The following FMN1 variants were observed in gnomAD, a reference collection of about 807,000 sequenced individuals.
The protein encoded by FMN1 is formin-1.
A neutral mutation model predicts 132.4 loss-of-function variants in FMN1; 110 were observed. The ratio of observed to expected loss-of-function variants is 0.83; its 90% confidence interval spans 0.71 to 0.97. FMN1 has a LOEUF of 0.97. Ranked by LOEUF, FMN1 falls within the 50% of genes least tolerant of loss-of-function variation. The pLI is 0.00. For synonymous variants in FMN1, 722 were observed against 651.7 expected (o/e 1.11, Z -1.64); for missense variants, 1,792 against 1,705.3 (o/e 1.05, Z -0.90).
intron 2 of FMN1, among the ~76,000 whole-genome samples, chr15:33,189,920 G>T (rs538927067): frequency 6.6e-6 from 1 of 152,324 alleles, no homozygotes; most frequent in African/African-American, 2.4e-5. Context: ...ACTCCCTGGT[G>T]TAACGGTGAG....
chr15:33,020,942 C>T (rs2063995427), intron 6 of FMN1, among the ~76,000 whole-genome samples: 1 of 152,158 alleles, frequency 6.6e-6, no homozygotes, highest in East Asian at 1.9e-4. Context: ...CTGCTTTCAC[C>T]TCTTTCTTTT....
At chr15:33,069,968 A>C (rs2141272112) in intron 5 of FMN1, among the ~76,000 whole-genome samples, 1 of 149,848 alleles carries the variant, frequency 6.7e-6, no homozygotes, top group East Asian at 2.0e-4. Context: ...AAATGATCAC[A>C]ACAGATCATA....
chr15:33,152,794 A>AAAAAAAAAAG lies in FMN1; in HGVS notation c.1867+244_1867+253dup, dbSNP rs1466712475. Among the ~76,000 whole-genome samples the AAAAAAAAAAG allele has an allele frequency of 7.4e-4, 112 of 150,836 alleles. 4 individuals carry two copies. The highest frequency in any genetic ancestry group is 2.6e-3 in the African/African-American group (107 of 41,210). ...AAGTAACTTTAGAGGATGCCAAAAA[A>AAAAAAAAAAG]AAAAAAAAAGAAAGAAATAAAAGAC... On this transcript the variant is annotated intron_variant, in intron 4 of 20. Coordinates refer to ENST00000616417, the MANE Select transcript of FMN1 (RefSeq NM_001277313.2).
At chr15:32,884,317 C>A (rs2059843531) in intron 16 of FMN1, among the ~76,000 whole-genome samples, 4 of 152,160 alleles carry the variant, frequency 2.6e-5, no homozygotes, top group Non-Finnish European at 2.9e-5. Flanking sequence ...CTTCTAGAGG[C>A]TTCCCACATT....
chr15:32,992,598 G>A (rs1246042327), intron 7 of FMN1, among the ~76,000 whole-genome samples: 1 of 152,076 alleles, frequency 6.6e-6, no homozygotes, highest in Non-Finnish European at 1.5e-5. Flanking sequence ...GAAAATGTTC[G>A]ATAAGACATA....
At chr15:33,034,268 A>T (rs977526861) in intron 6 of FMN1, among the ~76,000 whole-genome samples, 9 of 152,188 alleles carry the variant, frequency 5.9e-5, no homozygotes, top group African/African-American at 2.2e-4. Flanking sequence ...CATCTTCTCC[A>T]GTCCATGGCA....
At position 33,153,535 on chromosome 15, in the gene FMN1, G is replaced by A. The variant is rs552758815; in HGVS notation, c.1380C>T (p.Ala460=). The change falls in exon 4 of 21, where the codon GCC becomes GCT. Residue 460 remains alanine (A), a synonymous_variant. Transcript: ENST00000616417. Reference sequence around the variant, plus strand: ...ACTTGTGGCCACCAAGGGGCAACCCGGCTCTCCTCTTGTTTCTCGTTTCTG... The same window carrying A: ...ACTTGTGGCCACCAAGGGGCAACCCAGCTCTCCTCTTGTTTCTCGTTTCTG... The part of the protein sequence containing the change: ...TRPETRNKRR[A]GLPLGGHKSL... 7.8e-6 allele frequency: 12 copies of A among 1,536,306 alleles called. No homozygotes were observed. The highest frequency in any genetic ancestry group is 3.6e-5 in the South Asian group (3 of 84,064).
intron 7 of FMN1, among the ~76,000 whole-genome samples, chr15:32,979,633 T>G (rs2032493565): frequency 6.6e-6 from 1 of 152,116 alleles, no homozygotes; most frequent in South Asian, 2.1e-4. Context: ...AGTAATATAT[T>G]TGTAAGTTAT....
At chr15:32,980,121 A>G (rs1273227775) in intron 7 of FMN1, among the ~76,000 whole-genome samples, 1 of 152,154 alleles carries the variant, frequency 6.6e-6, no homozygotes, top group African/African-American at 2.4e-5. Context: ...GCCTCCTCTA[A>G]AAGAAGCTAG....
chr15:32,899,173 T>C (rs539393179), intron 14 of FMN1, among the ~76,000 whole-genome samples: 141 of 152,234 alleles, frequency 9.3e-4, no homozygotes, highest in Non-Finnish European at 1.7e-3. Flanking sequence ...TGTGTCCTTG[T>C]ATTTTCTGGC....
chr15:32,848,918 C>T (rs2058926116), intron 17 of FMN1, among the ~76,000 whole-genome samples: 1 of 151,136 alleles, frequency 6.6e-6, no homozygotes, highest in Non-Finnish European at 1.5e-5. Context: ...GAACAGGCAA[C>T]CTGTATGGGT....
At chr15:33,147,160 C>T (rs1387392328) in intron 4 of FMN1, among the ~76,000 whole-genome samples, 2 of 144,920 alleles carry the variant, frequency 1.4e-5, no homozygotes, top group Admixed American at 6.9e-5. Context: ...AGCGAGACTC[C>T]GTCTCAAAAA....
intron 6 of FMN1, among the ~76,000 whole-genome samples, chr15:33,023,665 C>A (rs2035528245): frequency 6.6e-6 from 1 of 151,892 alleles, no homozygotes; most frequent in Admixed American, 6.6e-5. Flanking sequence ...CAGCATGGTG[C>A]AAGAAAGGAT....
At chr15:32,900,223 G>C (rs763862186) in intron 13 of FMN1, 98 bp from the exon 14 acceptor site, 9 of 1,309,286 alleles carry the variant, frequency 6.9e-6, no homozygotes, top group Non-Finnish European at 7.6e-6. Context: ...AGGCTGTCGG[G>C]AGGCTTGGTA....
chr15:32,979,675 A>T (rs2032496593), intron 7 of FMN1, among the ~76,000 whole-genome samples: 1 of 151,664 alleles, frequency 6.6e-6, no homozygotes, highest in Non-Finnish European at 1.5e-5. Context: ...AGCTGGTGTG[A>T]GTTTTACAGT....
intron 5 of FMN1, among the ~76,000 whole-genome samples, chr15:33,082,020 G>T (rs1401356118): frequency 1.7e-5 from 2 of 117,762 alleles, no homozygotes; most frequent in Non-Finnish European, 3.7e-5. Flanking sequence ...AGAGTTCAGG[G>T]GTGTGTGTGT....
intron 6 of FMN1, among the ~76,000 whole-genome samples, chr15:33,048,644 A>AAAAAAAAAAAAC: frequency 4.6e-5 from 4 of 86,918 alleles, no homozygotes; most frequent in African/African-American, 8.2e-5. Context: ...AAAAAAAAAA[A>AAAAAAAAAAAAC]AAAAACCAAC....
chr15:32,939,713 A>G (rs1311345312), intron 9 of FMN1, among the ~76,000 whole-genome samples: 3 of 152,196 alleles, frequency 2.0e-5, no homozygotes, highest in African/African-American at 7.2e-5. Context: ...AGTCTCCCAA[A>G]TCCATTGACA....
intron 5 of FMN1, chr15:33,066,711 C>T (rs2037744971): frequency 1.2e-6 from 2 of 1,613,804 alleles, no homozygotes; most frequent in Non-Finnish European, 1.7e-6. Context: ...GGCTTGACCT[C>T]ACCACCCTGG....
Sources: allele counts gnomAD v4.1 joint callset (sites outside exome capture counted in the v4.1 genomes callset), GRCh38; gene constraint gnomAD v4.1.1; transcripts MANE v1.5; gene names NCBI Gene and HGNC (gene_info 2026-07-23, HGNC 2026-07-21).